Variants in CDH18 observed in about 807,000 individuals in gnomAD.
The protein encoded by CDH18 is cadherin 18, also known as cadherin-18.
In CDH18, 31 loss-of-function variants were observed where a neutral mutation model predicts 67.9. That is an observed-to-expected ratio of 0.46 (90% CI 0.34 to 0.62). CDH18 has a LOEUF of 0.62. CDH18 is among the 20% of genes least tolerant of loss of function. The pLI is 0.01. For missense variants in CDH18, 890 were observed against 975.5 expected (o/e 0.91, Z 1.17); for synonymous variants, 362 against 347.2 (o/e 1.04, Z -0.48).
intron 5 of CDH18, among the ~76,000 whole-genome samples, chr5:19,630,852 T>C (rs1752323633): frequency 6.6e-6 from 1 of 152,120 alleles, no homozygotes; most frequent in Non-Finnish European, 1.5e-5. Context: ...GACAGGATTA[T>C]AGAGCAAGAC....
chr5:20,522,285 T>G (rs1300867399), intron 1 of CDH18, among the ~76,000 whole-genome samples: 2 of 152,190 alleles, frequency 1.3e-5, no homozygotes, highest in Admixed American at 6.5e-5. Flanking sequence ...TTTCTGATGT[T>G]TTATTACAGT....
chr5:20,326,214 G>A (rs1738564441), intron 1 of CDH18, among the ~76,000 whole-genome samples: 2 of 152,052 alleles, frequency 1.3e-5, no homozygotes, highest in African/African-American at 2.4e-5. Flanking sequence ...TATTACATGG[G>A]GTTTCTAGAT....
intron 1 of CDH18, among the ~76,000 whole-genome samples, chr5:20,557,250 C>T (rs192031357): frequency 1.6e-4 from 25 of 151,756 alleles, no homozygotes; most frequent in South Asian, 6.2e-4. Flanking sequence ...TGAAGACATA[C>T]GAAACAATGC....
At chr5:20,541,178 G>A (rs1361591600) in intron 1 of CDH18, among the ~76,000 whole-genome samples, 2 of 152,180 alleles carry the variant, frequency 1.3e-5, no homozygotes, top group African/African-American at 4.8e-5. Context: ...TTCAACAGTA[G>A]TATGAAAGTA....
rs189606653 is a variant in CDH18, at chr5:20,088,939, G to A, written c.-517-96925C>T. ...AAGGGAGTCTTTAATTCAACACTGA[G>A]AAGTCTAGTTTTATTAAAATTTGGG... is the stretch of plus-strand genomic sequence containing the variant. On this transcript the variant is annotated intron_variant, in intron 2 of 14. Transcript: ENST00000507958. Among the ~76,000 whole-genome samples the A allele has an allele frequency of 3.9e-5, 6 of 152,164 alleles. No individual in the cohort carries two copies. In the East Asian group the frequency reaches 1.2e-3, roughly 29 times the overall value.
At chr5:19,578,845 GT>G (rs1316044912) in intron 7 of CDH18, among the ~76,000 whole-genome samples, 1 of 151,506 alleles carries the variant, frequency 6.6e-6, no homozygotes, top group Non-Finnish European at 1.5e-5. Context: ...GAAGGTTGTG[GT>G]TGTTGCAGTT....
chr5:19,801,327 T>C (rs1027295399), intron 3 of CDH18, among the ~76,000 whole-genome samples: 14 of 152,184 alleles, frequency 9.2e-5, no homozygotes, highest in African/African-American at 3.4e-4. Flanking sequence ...CAGGTGTCAG[T>C]CATTGAAACA....
chr5:20,059,042 C>T (rs1742237736), intron 2 of CDH18, among the ~76,000 whole-genome samples: 1 of 152,064 alleles, frequency 6.6e-6, no homozygotes, highest in Non-Finnish European at 1.5e-5. Context: ...TTGACTTCTT[C>T]CTGGTTTAGT....
intron 10 of CDH18, among the ~76,000 whole-genome samples, chr5:19,512,410 A>G (rs576243459): frequency 5.3e-4 from 81 of 152,256 alleles, no homozygotes; most frequent in Non-Finnish European, 8.5e-4. Flanking sequence ...TCTCTGAGTA[A>G]TCTAAAAATC....
At chr5:19,551,001 T>G (rs1288108982) in intron 8 of CDH18, among the ~76,000 whole-genome samples, 3 of 152,192 alleles carry the variant, frequency 2.0e-5, no homozygotes, top group Non-Finnish European at 4.4e-5. Flanking sequence ...AGACCTAGTA[T>G]AGCAAATGAA....
intron 11 of CDH18, among the ~76,000 whole-genome samples, chr5:19,496,965 G>C (rs1383884882): frequency 6.6e-6 from 1 of 151,984 alleles, no homozygotes; most frequent in Non-Finnish European, 1.5e-5. Context: ...AGAGTTCCCA[G>C]CTTCCACAAC....
chr5:20,376,124 C>T (rs1343648165), intron 1 of CDH18, among the ~76,000 whole-genome samples: 1 of 5,074 alleles, frequency 2.0e-4, no homozygotes, highest in Non-Finnish European at 1.0e-3. Flanking sequence ...GACGGAGTCT[C>T]CCTCTGTCAC....
chr5:19,781,912 T>C (rs1775159174), intron 3 of CDH18, among the ~76,000 whole-genome samples: 2 of 152,206 alleles, frequency 1.3e-5, no homozygotes, highest in South Asian at 4.1e-4. Flanking sequence ...GATATCATAT[T>C]TCTATTATCC....
chr5:19,753,209 G>A (rs1373349658), intron 3 of CDH18, among the ~76,000 whole-genome samples: 1 of 152,108 alleles, frequency 6.6e-6, no homozygotes, highest in Non-Finnish European at 1.5e-5. Flanking sequence ...AGGAATTCAG[G>A]AGGTTAGTTA....
chr5:20,289,948 A>G (rs1278307630), intron 1 of CDH18, among the ~76,000 whole-genome samples: 1 of 152,076 alleles, frequency 6.6e-6, no homozygotes, highest in African/African-American at 2.4e-5. Flanking sequence ...TAATATCACT[A>G]CTTTGCCCAC....
At chr5:19,837,984 C>CTTAA (rs548228727) in intron 3 of CDH18, among the ~76,000 whole-genome samples, 90 of 152,238 alleles carry the variant, frequency 5.9e-4, no homozygotes, top group Non-Finnish European at 1.1e-3. Context: ...ATGACACATG[C>CTTAA]TTAAACTCTC....
At chr5:19,700,823 C>T (rs1763143818) in intron 5 of CDH18, among the ~76,000 whole-genome samples, 1 of 151,990 alleles carries the variant, frequency 6.6e-6, no homozygotes, top group Admixed American at 6.6e-5. Context: ...ATCATAGTTT[C>T]TTTAAAATCC....
chr5:19,512,768 T>C (rs1450157904), intron 10 of CDH18, among the ~76,000 whole-genome samples: 3 of 152,144 alleles, frequency 2.0e-5, no homozygotes, highest in Non-Finnish European at 4.4e-5. Flanking sequence ...TTTCATCGTC[T>C]CTTTTTAAAA....
chr5:19,814,159 T>C lies in CDH18; in HGVS notation c.228+24600A>G, dbSNP rs184085139. ...AAATAAATAAAGTCTCAATAGACTA[T>C]TGAGACTTTATTTATGTTTCAAAAA... On this transcript the variant is annotated intron_variant, in intron 3 of 12. Transcript: ENST00000382275. Among the ~76,000 whole-genome samples the C allele has an allele frequency of 5.9e-3, 895 of 151,592 alleles. 5 individuals are homozygous for C. Among genetic ancestry groups the C allele is most frequent in the African/African-American group, 0.021 (864 of 41,146 alleles).
Sources: gnomAD v4.1 joint callset for allele counts (sites outside exome capture counted in the v4.1 genomes callset) on GRCh38, gnomAD v4.1.1 for gene constraint, MANE v1.5 for transcripts, NCBI Gene and HGNC (gene_info 2026-07-23, HGNC 2026-07-21) for gene names.